Variants in CLPB observed in about 807,000 individuals in gnomAD.
The protein encoded by CLPB is ClpB family mitochondrial disaggregase, also known as mitochondrial disaggregase.
Under a neutral mutation model 78.4 loss-of-function variants are expected in CLPB, and 40 were observed. The observed-to-expected ratio is 0.51, with a 90% CI of 0.40 to 0.66. CLPB has a LOEUF of 0.66. CLPB is among the 30% of genes least tolerant of loss of function. The probability of loss-of-function intolerance (pLI) is 0.00; values close to 1 mark genes in which losing one functional copy is unlikely to be tolerated. For missense variants in CLPB, 780 were observed against 886.9 expected, an observed-to-expected ratio of 0.88 and a Z score of 1.53; for synonymous variants, 333 against 348.0, an observed-to-expected ratio of 0.96 and a Z score of 0.48.
At chr11:72,301,687 C>T (rs370019855) in intron 11 of CLPB, 116 bp downstream of exon 11, 221 of 1,138,992 alleles carry the variant, frequency 1.9e-4, no homozygotes, top group South Asian at 1.4e-3. Context: ...TGTACACATG[C>T]GGGAGCAGGA....
intron 11 of CLPB, among the ~76,000 whole-genome samples, chr11:72,297,888 G>A (rs1013476304): frequency 1.3e-5 from 2 of 152,106 alleles, no homozygotes; most frequent in African/African-American, 4.8e-5. Context: ...GTGGGTGAGG[G>A]GAGCAGGTGC....
intron 6 of CLPB, among the ~76,000 whole-genome samples, chr11:72,327,536 T>C (rs901392331): frequency 5.9e-5 from 9 of 152,224 alleles, no homozygotes; most frequent in African/African-American, 2.2e-4. Context: ...TTGTGAAGGG[T>C]CCCTCAGTGG....
chr11:72,293,303 G>T lies in CLPB; in HGVS notation c.*64C>A. The T allele has an allele frequency of 6.4e-7, 1 of 1,571,862 alleles. No homozygotes were observed. The highest frequency in any genetic ancestry group is 8.7e-7 in the Non-Finnish European group (1 of 1,153,694). Reference sequence around the variant, plus strand: ...GGCATGAGGGGAAGGTAAGTCAGTTGCCATGCCACAGCCAAGGGGCCTTTA... The same window carrying T: ...GGCATGAGGGGAAGGTAAGTCAGTTTCCATGCCACAGCCAAGGGGCCTTTA... On this transcript the variant is annotated 3_prime_UTR_variant, in exon 16 of 16. Transcript: ENST00000538039.
intron 15 of CLPB, 132 bp from the exon 16 acceptor site, chr11:72,293,747 T>A: frequency 8.7e-7 from 1 of 1,154,618 alleles, no homozygotes. Flanking sequence ...ATTTGCCAAT[T>A]GGGGCTAATA....
intron 2 of CLPB, among the ~76,000 whole-genome samples, chr11:72,422,111 CAA>C (rs1856218684): frequency 6.7e-6 from 1 of 150,294 alleles, no homozygotes. Context: ...ACTAAAAATA[CAA>C]AAAATTGGCC....
At chr11:72,377,762 G>A (rs10501410) in intron 4 of CLPB, among the ~76,000 whole-genome samples, 21,195 of 152,030 alleles carry the variant, frequency 0.14, 2,285 homozygotes, top group African/African-American at 0.31. Context: ...CTAGGAATGC[G>A]AAAAGAAAAT....
At chr11:72,365,442 G>A (rs1387595801) in intron 4 of CLPB, among the ~76,000 whole-genome samples, 5 of 152,224 alleles carry the variant, frequency 3.3e-5, no homozygotes, top group Non-Finnish European at 5.9e-5. Context: ...GAGAGTGACT[G>A]ATAATGAATA....
rs572795599 is a variant in CLPB, at chr11:72,367,266, T to C, written c.647-8258A>G. 2.8e-4 allele frequency among the ~76,000 whole-genome samples: 43 copies of C among 152,296 alleles called. No homozygotes were observed. In the South Asian group the frequency reaches 8.7e-3, roughly 31 times the overall value. ...GCAACCTCTGCCTCCTGGATTCAAG[T>C]GATTCTCGTGCCTCAGCCTCCCGAG... On this transcript the variant is annotated intron_variant, in intron 4 of 15. Coordinates refer to ENST00000538039, the MANE Select transcript of CLPB (RefSeq NM_001258392.3).
rs118064075 is a variant in CLPB, at chr11:72,424,564, C to T, written c.455+5748G>A. On this transcript the variant is annotated intron_variant, in intron 2 of 15. Transcript: ENST00000538039. ...TTGAGGTCAGGGGTTCGAGATCAGT[C>T]TAGCCAACATGGTGAAACCCCATTT... Among the ~76,000 whole-genome samples the T allele has an allele frequency of 7.2e-3, 1,093 of 151,338 alleles. 24 individuals are homozygous for T. The highest frequency in any genetic ancestry group is 0.063 in the East Asian group (324 of 5,124).
In CLPB at chr11:72,301,938, T is replaced by C. The variant is rs199562734; in HGVS notation, c.1194A>G (p.Pro398=). 1.2e-6 allele frequency: 2 copies of C among 1,614,138 alleles called. No individual in the cohort carries two copies. Among genetic ancestry groups the C allele is most frequent in the East Asian group, 2.2e-5 (1 of 44,886 alleles). ...CACCCTCCTCATGGCCAACGTAGCC[T>C]GGTGGAGACCCAATAAACTTGGCCA... is the stretch of plus-strand genomic sequence containing the variant. ...HEVAKFIGSP[P]GYVGHEEGGQ... is the part of the protein sequence containing the mutation. The change falls in exon 11 of 16, where the codon CCA becomes CCG. Residue 398 remains proline, a synonymous_variant. Coordinates refer to ENST00000538039, the MANE Select transcript of CLPB (RefSeq NM_001258392.3).
chr11:72,418,443 G>C (rs192987642), intron 2 of CLPB, among the ~76,000 whole-genome samples: 14 of 152,314 alleles, frequency 9.2e-5, no homozygotes, highest in African/African-American at 3.4e-4. Flanking sequence ...AGAATCTAAG[G>C]TTAAAGATGT....
intron 2 of CLPB, among the ~76,000 whole-genome samples, chr11:72,404,914 T>G (rs1482297556): frequency 6.6e-6 from 1 of 152,214 alleles, no homozygotes; most frequent in East Asian, 1.9e-4. Flanking sequence ...AGAAACAATT[T>G]TCTATGGCCA....
chr11:72,395,442 C>T (rs961261968), intron 3 of CLPB, among the ~76,000 whole-genome samples: 3 of 152,188 alleles, frequency 2.0e-5, no homozygotes, highest in Non-Finnish European at 2.9e-5. Flanking sequence ...CAAATCCTGG[C>T]TCCTTCTTTT....
chr11:72,362,011 T>C (rs116115727), intron 4 of CLPB, among the ~76,000 whole-genome samples: 3 of 152,338 alleles, frequency 2.0e-5, no homozygotes, highest in African/African-American at 7.2e-5. Context: ...GCTGGTGTCA[T>C]AGCCCAACTA....
chr11:72,433,426 G>A lies in CLPB; in HGVS notation c.403+646C>T, dbSNP rs575248365. 9.9e-5 allele frequency among the ~76,000 whole-genome samples: 15 copies of A among 152,150 alleles called. No homozygotes were observed. In the East Asian group the frequency reaches 2.9e-3, roughly 29 times the overall value. On this transcript the variant is annotated intron_variant, in intron 1 of 15. Transcript: ENST00000538039. Reference sequence around the variant, plus strand: ...GTGGTGGCCCGCACCTGTAGTCCCAGCTACTTGGGAGGCTAAGGCAGGAGA... The same window carrying A: ...GTGGTGGCCCGCACCTGTAGTCCCAACTACTTGGGAGGCTAAGGCAGGAGA...
At position 72,394,796 on chromosome 11, in the gene CLPB, G is replaced by A. The variant is rs549361479; in HGVS notation, c.542+8170C>T. On this transcript the variant is annotated intron_variant, in intron 3 of 15. Coordinates refer to ENST00000538039, the MANE Select transcript of CLPB (RefSeq NM_001258392.3). ...CACTTTCCTGGGGGCACGGTGCTGC[G>A]GTGCTGGCATTCTGGGCACTTGGCC... Among the ~76,000 whole-genome samples the A allele has an allele frequency of 9.9e-5, 15 of 152,280 alleles. No individual in the cohort carries two copies. The South Asian group carries it at 1.9e-3, about 19-fold the overall frequency.
rs575398855 is a variant in CLPB at position 72,393,347 on chromosome 11, G to A, written c.542+9619C>T. On this transcript the variant is annotated intron_variant, in intron 3 of 15. Transcript: ENST00000538039. Reference sequence around the variant, plus strand: ...TGGGGCTGGCATATCTCTTAGACTCGGGTGAAAATAACAACAAAAAGAAAA... The same window carrying A: ...TGGGGCTGGCATATCTCTTAGACTCAGGTGAAAATAACAACAAAAAGAAAA... Among the ~76,000 whole-genome samples the A allele has an allele frequency of 1.9e-4, 29 of 152,224 alleles. No individual in the cohort carries two copies. The South Asian group carries it at 5.4e-3, about 28-fold the overall frequency.
intron 7 of CLPB, among the ~76,000 whole-genome samples, chr11:72,313,821 C>G (rs1387647597): frequency 1.3e-5 from 2 of 152,206 alleles, no homozygotes; most frequent in African/African-American, 4.8e-5. Flanking sequence ...CAATTATACT[C>G]TTTCAGTTGC....
At chr11:72,424,818 G>A (rs935749855) in intron 2 of CLPB, among the ~76,000 whole-genome samples, 2 of 151,924 alleles carry the variant, frequency 1.3e-5, no homozygotes, top group Non-Finnish European at 1.5e-5. Context: ...CCCGGGTGGC[G>A]GAGTTTGCAG....
Sources: gnomAD v4.1 joint callset for allele counts (sites outside exome capture counted in the v4.1 genomes callset) on GRCh38, gnomAD v4.1.1 for gene constraint, MANE v1.5 for transcripts, NCBI Gene and HGNC (gene_info 2026-07-23, HGNC 2026-07-21) for gene names.